The following NRAP variants were observed in gnomAD, a reference collection of about 807,000 sequenced individuals.
The protein encoded by NRAP is nebulin related anchoring protein, also known as nebulin-related-anchoring protein.
Under a neutral mutation model 225.9 loss-of-function variants are expected in NRAP, and 189 were observed. The ratio of observed to expected loss-of-function variants is 0.84; its 90% CI spans 0.74 to 0.94. The LOEUF (loss-of-function observed/expected upper bound fraction) is 0.94, where lower values mean the gene tolerates loss of function less well. NRAP is among the 40% of genes least tolerant of loss of function. The pLI, the probability that NRAP is intolerant of heterozygous loss-of-function variation, is 0.00. For synonymous variants in NRAP, 769 were observed against 790.7 expected (o/e 0.97, Z 0.46); for missense variants, 2,176 against 2,168.7 (o/e 1.00, Z -0.07).
At chr10:113,621,343 C>CAA (rs1847976108) in intron 24 of NRAP, among the ~76,000 whole-genome samples, 1 of 132,446 alleles carries the variant, frequency 7.6e-6, no homozygotes, top group African/African-American at 2.8e-5. Flanking sequence ...ACACACACAA[C>CAA]CTTCCTGTGT....
At chr10:113,620,570 G>T (rs1443361091) in intron 25 of NRAP, 34 bp downstream of exon 25, 8 of 1,322,600 alleles carry the variant, frequency 6.0e-6, no homozygotes, top group Non-Finnish European at 7.7e-6. Flanking sequence ...GCCTAATGCA[G>T]CCAGGCCTGT....
chr10:113,606,434 T>C lies in NRAP; in HGVS notation c.3703-152A>G, dbSNP rs550740430. 6.7e-6 allele frequency: 4 copies of C among 597,620 alleles called. No homozygotes were observed. The African/African-American group carries it at 7.4e-5, about 11-fold the overall frequency. The allele number at this position is 597,620 out of a possible 1,614,324, so 37.0% of individuals were successfully genotyped here. On this transcript the variant is annotated intron_variant, in intron 32 of 41. Coordinates refer to ENST00000359988, the MANE Select transcript of NRAP (RefSeq NM_198060.4). ...ACATCTCCAGTCTTGGGGAAGATGT[T>C]TATTTCAATAAAGACAATCATTCAG...
Position 113,631,861 on chromosome 10 carries a change from C to A in NRAP, c.1736G>T (p.Ser579Ile). 1 of 1,601,524 alleles carries A rather than the reference C, an allele frequency of 6.2e-7. No homozygotes were observed. The highest frequency in any genetic ancestry group is 8.6e-7 in the Non-Finnish European group (1 of 1,168,592). ...AGTTAATGAGAGGAAACGTACATTG[C>A]TAGCAAGCTCCCCAGAGGCTTTGGC... The part of the protein sequence containing the change: ...LAAKASGELA[S>I]NIKYKEEYEK... The change falls in exon 17 of 42, where the codon AGC becomes ATC. Residue 579 changes from serine (S) to isoleucine (I), a missense_variant. This residue lies in a region of NRAP where 1,708 missense variants were observed against 1,695.5 expected (regional missense o/e 1.01). Transcript: ENST00000359988.
chr10:113,598,755 C>T (rs1036476046), intron 35 of NRAP, among the ~76,000 whole-genome samples: 1 of 152,214 alleles, frequency 6.6e-6, no homozygotes, highest in Non-Finnish European at 1.5e-5. Context: ...TTAACCGCTT[C>T]ATGCCTCAGT....
Position 113,650,066 on chromosome 10 carries a change from T to C in NRAP, c.859A>G (p.Thr287Ala), listed in dbSNP as rs879023543. The C allele has an allele frequency of 1.2e-6, 2 of 1,609,788 alleles. No homozygotes were observed. The highest frequency in any genetic ancestry group is 2.7e-5 in the African/African-American group (2 of 74,950). ...CCATATTGGTCTGCACATTCCCTTG[T>C]CAAGATGCCCTCAGCTCCAATGGCT... ...GPAIGAEGIL[T>A]RECADQYGQG... is the part of the protein sequence containing the mutation. Residue 287 changes from threonine to alanine, a missense_variant, in exon 9 of 42, where the codon ACA (threonine) becomes GCA (alanine). This residue lies in a region of NRAP where 1,708 missense variants were observed against 1,695.5 expected (regional missense o/e 1.01). Coordinates refer to ENST00000359988, the MANE Select transcript of NRAP (RefSeq NM_198060.4).
chr10:113,638,772 T>C (rs1849024107), intron 14 of NRAP, among the ~76,000 whole-genome samples: 1 of 152,206 alleles, frequency 6.6e-6, no homozygotes, highest in Admixed American at 6.5e-5. Flanking sequence ...AAACCCACTG[T>C]GTAGCCAAAC....
intron 11 of NRAP, 74 bp downstream of exon 11, chr10:113,645,751 G>C: frequency 1.3e-6 from 1 of 771,292 alleles, no homozygotes; most frequent in Non-Finnish European, 2.1e-6. Flanking sequence ...TTTTATTATA[G>C]GGTCACCTCA....
intron 35 of NRAP, among the ~76,000 whole-genome samples, chr10:113,598,739 A>T (rs1846430373): frequency 6.6e-6 from 1 of 152,136 alleles, no homozygotes; most frequent in Non-Finnish European, 1.5e-5. Flanking sequence ...TAGTGAGTAA[A>T]CCATTTTAAC....
Position 113,654,144 on chromosome 10 carries a change from A to G in NRAP, c.361-19T>C, listed in dbSNP as rs748684888. The G allele has an allele frequency of 4.9e-6, 7 of 1,428,850 alleles. No individual in the cohort carries two copies. In the Admixed American group the frequency reaches 1.0e-4, roughly 20 times the overall value. 88.5% of individuals were successfully genotyped at this position (1,428,850 alleles called of 1,614,324 possible). On this transcript the variant is annotated intron_variant, in intron 4 of 41. Transcript: ENST00000359988. ...AGGCTCTCTACAAAGGAAGCACATG[A>G]AGGGATACAAACACATGCCCCAGAC... is the stretch of plus-strand genomic sequence containing the variant.
rs112898308 is a variant in NRAP, at chr10:113,624,933, G to C, written c.2245-3C>G. 1 of 1,605,596 alleles carries C rather than the reference G, an allele frequency of 6.2e-7. No individual in the cohort carries two copies. Among genetic ancestry groups the C allele is most frequent in the Non-Finnish European group, 8.5e-7 (1 of 1,172,350 alleles). On this transcript the variant is annotated splice_polypyrimidine_tract_variant and splice_region_variant and intron_variant, in intron 21 of 41. Transcript: ENST00000359988. ...TCATTTCCTGCCTTGTAGGCCACCT[G>C]TTGGGAAAGAGCACTGAGTCAGGAG...
At chr10:113,638,335 T>TG (rs1849000351) in intron 14 of NRAP, among the ~76,000 whole-genome samples, 1 of 152,226 alleles carries the variant, frequency 6.6e-6, no homozygotes, top group South Asian at 2.1e-4. Context: ...TTGAAGGTTT[T>TG]TTTTTCTTTT....
chr10:113,645,171 T>A (rs1182483107), intron 11 of NRAP, among the ~76,000 whole-genome samples: 1 of 152,186 alleles, frequency 6.6e-6, no homozygotes, highest in Non-Finnish European at 1.5e-5. Context: ...ATTTGAAACA[T>A]CTTTCAGATG....
At chr10:113,661,750 G>T (rs187919210) in intron 3 of NRAP, among the ~76,000 whole-genome samples, 1 of 152,218 alleles carries the variant, frequency 6.6e-6, no homozygotes, top group East Asian at 1.9e-4. Flanking sequence ...AACCCCACAC[G>T]TCCTAAACTA....
intron 25 of NRAP, among the ~76,000 whole-genome samples, chr10:113,619,002 G>A (rs139994441): frequency 2.7e-4 from 41 of 152,310 alleles, no homozygotes; most frequent in Non-Finnish European, 5.6e-4. Flanking sequence ...ACTTGTAAAT[G>A]TGACAGCCTA....
intron 31 of NRAP, among the ~76,000 whole-genome samples, chr10:113,609,436 T>A (rs576938417): frequency 6.6e-6 from 1 of 152,164 alleles, no homozygotes; most frequent in African/African-American, 2.4e-5. Flanking sequence ...TGAACACCTA[T>A]TACTTCCAGT....
At chr10:113,644,147 C>CAAAAAA (rs60015356) in intron 11 of NRAP, among the ~76,000 whole-genome samples, 1,041 of 47,632 alleles carry the variant, frequency 0.022, 106 homozygotes, top group Middle Eastern at 0.042. Flanking sequence ...AACTCCCTCT[C>CAAAAAA]AAAAAAAAAA....
intron 22 of NRAP, 101 bp downstream of exon 22, chr10:113,624,725 A>T: frequency 2.5e-6 from 2 of 789,888 alleles, no homozygotes; most frequent in Non-Finnish European, 4.4e-6. Context: ...ATGTAACCTC[A>T]GTTGATACAG....
In NRAP at chr10:113,663,990, G is replaced by A; in HGVS notation, c.-108C>T. On this transcript the variant is annotated 5_prime_UTR_variant, in exon 1 of 42. Coordinates refer to ENST00000359988, the MANE Select transcript of NRAP (RefSeq NM_198060.4). ...AATCCGACGACCATAAAATTCCTGTGGGCACCTCGATCTTTCAGAATCCAA... is the reference window on the plus strand; with the variant it reads ...AATCCGACGACCATAAAATTCCTGTAGGCACCTCGATCTTTCAGAATCCAA... 1 of 785,534 alleles carries A rather than the reference G, an allele frequency of 1.3e-6. No homozygotes were observed. The highest frequency in any genetic ancestry group is 1.5e-5 in the South Asian group (1 of 67,168). 48.7% of individuals were successfully genotyped at this position (785,534 alleles called of 1,614,324 possible). A position where few individuals can be genotyped will look rare whatever the true frequency, so the allele number is the denominator to read the frequency against.
chr10:113,641,614 A>C (rs1849208348), intron 12 of NRAP, 142 bp from the exon 13 acceptor site: 8 of 568,922 alleles, frequency 1.4e-5, no homozygotes, highest in Non-Finnish European at 6.1e-6. Context: ...ACAGAATAAA[A>C]AATAAGGCAA....
Sources: gnomAD v4.1 joint callset for allele counts (sites outside exome capture counted in the v4.1 genomes callset) on GRCh38, gnomAD v4.1.1 for gene constraint, gnomAD v4.1.1 regional missense constraint, MANE v1.5 for transcripts, NCBI Gene and HGNC (gene_info 2026-07-23, HGNC 2026-07-21) for gene names.